Variants in AGAP5 observed in about 807,000 individuals in gnomAD.
The protein encoded by AGAP5 is ArfGAP with GTPase domain, ankyrin repeat and PH domain 5.
A neutral mutation model predicts 27.7 loss-of-function variants in AGAP5; 8 were observed. The ratio of observed to expected loss-of-function variants is 0.29; its 90% CI spans 0.17 to 0.52. The LOEUF is 0.52. Among genes scored for constraint, AGAP5 ranks in the 20% least tolerant of loss-of-function variants. AGAP5 has a pLI of 0.97. For synonymous variants in AGAP5, 111 were observed against 338.0 expected, an observed-to-expected ratio of 0.33 and a Z score of 7.37; for missense variants, 285 against 880.8, an observed-to-expected ratio of 0.32 and a Z score of 8.56.
At chr10:73,690,061 G>C (rs1428367699) in intron 4 of AGAP5, among the ~76,000 whole-genome samples, 1 of 152,208 alleles carries the variant, frequency 6.6e-6, no homozygotes, top group Non-Finnish European at 1.5e-5. Context: ...CCCCTACTGG[G>C]AAGTGAGGAG....
chr10:73,677,797 T>C (rs534041218), intron 6 of AGAP5, among the ~76,000 whole-genome samples: 3 of 152,174 alleles, frequency 2.0e-5, no homozygotes, highest in East Asian at 1.9e-4. Context: ...CTTGCCATGA[T>C]TGTATAAAAG....
rs773341191 is a variant in AGAP5 at position 73,697,719 on chromosome 10, C to T, written c.37G>A (p.Val13Ile). Reference protein sequence around the residue: ...NILTCCVHPSVSLEFDQQQGS... With the variant: ...NILTCCVHPSISLEFDQQQGS... ...TGTTGCTGGTCAAACTCGAGGCTGA[C>T]GCTAGGGTGCACACAACAGGTCAGT... The change falls in exon 1 of 8, where the codon GTC becomes ATC. Residue 13 changes from valine to isoleucine, a missense_variant. Transcript: ENST00000374094. 139 of 1,597,764 alleles carry T rather than the reference C, an allele frequency of 8.7e-5. 1 individual carries two copies. The highest frequency in any genetic ancestry group is 1.2e-4 in the African/African-American group (9 of 74,866).
chr10:73,697,411 C>T (rs2082169835), intron 1 of AGAP5, 122 bp downstream of exon 1: 1 of 1,584,166 alleles, frequency 6.3e-7, no homozygotes, highest in South Asian at 1.1e-5. Context: ...TCCTGGCCAG[C>T]CCCCGGGAAA....
chr10:73,692,989 G>C (rs2082131856), intron 3 of AGAP5, among the ~76,000 whole-genome samples: 1 of 152,050 alleles, frequency 6.6e-6, no homozygotes, highest in East Asian at 1.9e-4. Context: ...ATTGGACATG[G>C]TGTCTGCAGC....
intron 4 of AGAP5, among the ~76,000 whole-genome samples, chr10:73,688,804 T>C (rs997264753): frequency 2.0e-5 from 3 of 152,130 alleles, no homozygotes; most frequent in African/African-American, 7.2e-5. Flanking sequence ...TGTTATAAAA[T>C]TTCAGAACCT....
At chr10:73,687,332 G>A (rs1028495489) in intron 4 of AGAP5, among the ~76,000 whole-genome samples, 2 of 152,096 alleles carry the variant, frequency 1.3e-5, no homozygotes, top group Non-Finnish European at 1.5e-5. Context: ...ATAGTTAACT[G>A]CAGCCTCAAA....
intron 4 of AGAP5, among the ~76,000 whole-genome samples, chr10:73,685,544 G>A (rs1427265903): frequency 6.6e-6 from 1 of 151,150 alleles, no homozygotes; most frequent in Non-Finnish European, 1.5e-5. Flanking sequence ...TTTGATCATG[G>A]TGGATTATCT....
chr10:73,696,873 G>C (rs1419681339), intron 2 of AGAP5, among the ~76,000 whole-genome samples: 1 of 152,138 alleles, frequency 6.6e-6, no homozygotes, highest in African/African-American at 2.4e-5. Flanking sequence ...ATTTGAATAG[G>C]AACTGTCCTG....
chr10:73,693,797 T>C (rs1489080005), intron 3 of AGAP5, among the ~76,000 whole-genome samples: 1 of 152,110 alleles, frequency 6.6e-6, no homozygotes, highest in African/African-American at 2.4e-5. Context: ...CCTTTTATCA[T>C]GATTGTAAGT....
Position 73,675,920 on chromosome 10 carries a change from G to C in AGAP5, c.740C>G (p.Ser247Cys). The change falls in exon 8 of 8, where the codon TCC becomes TGC. Residue 247 changes from serine to cysteine, a missense_variant. Transcript: ENST00000374094. Reference protein sequence around the residue: ...ANTPTPVCKRSMRWSNLFTSE... With the variant: ...ANTPTPVCKRCMRWSNLFTSE... ...TGTAAACAGGTTGGACCAGCGCATG[G>C]ACCGCTTGCAAACGGGGGTGGGTGT... The C allele has an allele frequency of 1.9e-6, 3 of 1,613,820 alleles. No individual in the cohort carries two copies. The highest frequency in any genetic ancestry group is 2.5e-6 in the Non-Finnish European group (3 of 1,179,948).
intron 3 of AGAP5, among the ~76,000 whole-genome samples, chr10:73,693,592 G>A (rs2082136927): frequency 1.3e-5 from 2 of 151,712 alleles, no homozygotes; most frequent in Admixed American, 6.6e-5. Context: ...CCAACTACTC[G>A]GGAGGCTGAG....
chr10:73,686,749 G>C (rs1250724413), intron 4 of AGAP5, among the ~76,000 whole-genome samples: 6 of 152,142 alleles, frequency 3.9e-5, no homozygotes, highest in African/African-American at 1.2e-4. Context: ...AGCGGATAAA[G>C]AAACTGTGAT....
chr10:73,692,640 T>TC (rs2082129157), intron 3 of AGAP5, among the ~76,000 whole-genome samples: 1 of 139,346 alleles, frequency 7.2e-6, no homozygotes, highest in Non-Finnish European at 1.6e-5. Flanking sequence ...TAAATTTTTT[T>TC]TTTTTTTTTT....
At chr10:73,678,209 C>T (rs374106833) in intron 6 of AGAP5, among the ~76,000 whole-genome samples, 8 of 152,318 alleles carry the variant, frequency 5.3e-5, no homozygotes, top group South Asian at 2.1e-4. Context: ...GCCTAGGCAA[C>T]GTAACGAAAC....
In AGAP5 at chr10:73,697,904, C is replaced by T. The variant is rs915986262; in HGVS notation, c.-149G>A. 1.8e-5 allele frequency: 27 copies of T among 1,534,548 alleles called. No individual in the cohort carries two copies. Among genetic ancestry groups the T allele is most frequent in the Non-Finnish European group, 2.3e-5 (26 of 1,146,256 alleles). On this transcript the variant is annotated 5_prime_UTR_variant, in exon 1 of 8. It removes an upstream start codon present in the reference 5' UTR. Coordinates refer to ENST00000374094, the MANE Select transcript of AGAP5 (RefSeq NM_001144000.4). Reference sequence around the variant, plus strand: ...CACCTCACAGCGCGGCCCCGGGCACCATCCCTGGCCCCGGCCCCGGCCCCG... The same window carrying T: ...CACCTCACAGCGCGGCCCCGGGCACTATCCCTGGCCCCGGCCCCGGCCCCG...
chr10:73,696,049 G>A (rs1217617001), intron 2 of AGAP5, among the ~76,000 whole-genome samples: 2 of 151,436 alleles, frequency 1.3e-5, no homozygotes, highest in Non-Finnish European at 2.9e-5. Context: ...GTCTCGCTCT[G>A]TCACCCAGGC....
rs755565573 is a variant in AGAP5, at chr10:73,675,214, A to G, written c.1446T>C (p.Tyr482=). Residue 482 remains tyrosine (Y), a synonymous_variant, in exon 8 of 8, where the codon TAT becomes TAC. Coordinates refer to ENST00000374094, the MANE Select transcript of AGAP5 (RefSeq NM_001144000.4). Reference sequence around the variant, plus strand: ...TGGCCCACTTAGGATTCTGGGTCTCATAGTCCACACAGTGGGCGTTCCCAC... The same window carrying G: ...TGGCCCACTTAGGATTCTGGGTCTCGTAGTCCACACAGTGGGCGTTCCCAC... The part of the protein sequence containing the change: ...NMRGNAHCVD[Y]ETQNPKWASL... 6 of 1,246,320 alleles carry G rather than the reference A, an allele frequency of 4.8e-6. 1 individual carries two copies. The highest frequency in any genetic ancestry group is 7.0e-6 in the Non-Finnish European group (6 of 854,750). The allele number at this position is 1,246,320 out of a possible 1,614,324, so 77.2% of individuals were successfully genotyped here.
chr10:73,691,206 G>GT (rs765243467), intron 4 of AGAP5, among the ~76,000 whole-genome samples: 20 of 152,218 alleles, frequency 1.3e-4, no homozygotes, highest in Non-Finnish European at 2.5e-4. Flanking sequence ...TTTCAGAACT[G>GT]TTTCAGAGAC....
At chr10:73,687,644 A>G (rs564463084) in intron 4 of AGAP5, among the ~76,000 whole-genome samples, 2 of 152,368 alleles carry the variant, frequency 1.3e-5, no homozygotes, top group African/African-American at 4.8e-5. Flanking sequence ...TTATACATAC[A>G]TTAATTTAAA....
Sources: gnomAD v4.1 joint callset for allele counts (sites outside exome capture counted in the v4.1 genomes callset) on GRCh38, gnomAD v4.1.1 for gene constraint, MANE v1.5 for transcripts, NCBI Gene and HGNC (gene_info 2026-07-23, HGNC 2026-07-21) for gene names.